VAT1: variants seen among roughly 807,000 people sequenced by gnomAD.
VAT1 encodes the protein vesicle amine transport 1.
Under a neutral mutation model 33.3 loss-of-function variants are expected in VAT1, and 24 were observed. That is an observed-to-expected ratio of 0.72 (90% CI 0.52 to 1.01). VAT1 has a LOEUF of 1.01. VAT1 is among the 50% of genes least tolerant of loss of function. VAT1 has a pLI of 0.00. For synonymous variants in VAT1, 212 were observed against 225.0 expected, an observed-to-expected ratio of 0.94 and a Z score of 0.52; for missense variants, 436 against 533.7, an observed-to-expected ratio of 0.82 and a Z score of 1.80.
At chr17:43,018,927 TAA>T in intron 1 of VAT1, 128 bp from the exon 2 acceptor site, 1 of 308 alleles carries the variant, frequency 3.2e-3, no homozygotes, top group Non-Finnish European at 0.05. Context: ...ATAGTCATGG[TAA>T]TAATAATAAT....
chr17:43,021,815 G>T, intron 1 of VAT1, 121 bp downstream of exon 1: 1 of 1,462,996 alleles, frequency 6.8e-7, no homozygotes, highest in Non-Finnish European at 9.0e-7. Flanking sequence ...CGCTTTCCAC[G>T]CTCGTGCACC....
chr17:43,022,173 G>A lies in VAT1; in HGVS notation c.150C>T (p.Cys50=), dbSNP rs758718649. Residue 50 remains cysteine, a synonymous_variant, in exon 1 of 6, where the codon TGC becomes TGT. Transcript: ENST00000355653. The part of the protein sequence containing the change: ...AAAASPPLLR[C]LVLTGFGGYD... ...AGCCTCCAAAGCCGGTGAGCACTAG[G>A]CAGCGCAGCAGTGGCGGCGAGGCGG... 2.6e-4 allele frequency: 404 copies of A among 1,558,526 alleles called. No individual in the cohort carries two copies. In the Middle Eastern group the frequency reaches 5.1e-3, roughly 20 times the overall value.
intron 1 of VAT1, among the ~76,000 whole-genome samples, chr17:43,021,442 G>C (rs935898643): frequency 6.6e-6 from 1 of 152,200 alleles, no homozygotes; most frequent in East Asian, 1.9e-4. Flanking sequence ...CCACGGGGCT[G>C]CATGTGACCA....
chr17:43,018,453 T>C, intron 2 of VAT1, 139 bp downstream of exon 2: 4 of 1,059,190 alleles, frequency 3.8e-6, no homozygotes, highest in Non-Finnish European at 4.1e-6. Context: ...CCACGGCAAC[T>C]ACACAGCAGA....
At chr17:43,018,526 G>A in intron 2 of VAT1, 66 bp downstream of exon 2, 1 of 1,557,576 alleles carries the variant, frequency 6.4e-7, no homozygotes, top group South Asian at 1.1e-5. Flanking sequence ...CAGACAGGCT[G>A]CAGGGAAGGG....
Position 43,020,145 on chromosome 17 carries a change from T to C in VAT1, c.388-1346A>G, listed in dbSNP as rs568351710. On this transcript the variant is annotated intron_variant, in intron 1 of 5. Coordinates refer to ENST00000355653, the MANE Select transcript of VAT1 (RefSeq NM_006373.4). Reference sequence around the variant, plus strand: ...GACCCAGAACAAGTCTCACTTACCCTGGCTCATGCTAACCCTCAGGCCATC... The same window carrying C: ...GACCCAGAACAAGTCTCACTTACCCCGGCTCATGCTAACCCTCAGGCCATC... 19 of 985,408 alleles carry C rather than the reference T, an allele frequency of 1.9e-5. No individual in the cohort carries two copies. In the South Asian group the frequency reaches 8.5e-4, roughly 44 times the overall value. 61.0% of individuals were successfully genotyped at this position (985,408 alleles called of 1,614,324 possible). A position where few individuals can be genotyped will look rare whatever the true frequency, so the allele number is the denominator to read the frequency against.
At chr17:43,021,623 G>GGGGGC (rs2050569392) in intron 1 of VAT1, among the ~76,000 whole-genome samples, 1 of 106,432 alleles carries the variant, frequency 9.4e-6, no homozygotes, top group Non-Finnish European at 2.0e-5. Flanking sequence ...GGGGGGGGGG[G>GGGGGC]GTGGGGACGG....
At chr17:43,017,023 G>A in intron 4 of VAT1, among the ~76,000 whole-genome samples, 1 of 141,674 alleles carries the variant, frequency 7.1e-6, no homozygotes, top group Non-Finnish European at 1.5e-5. Flanking sequence ...AATTAGCTGG[G>A]CATGGTGGTA....
Position 43,016,436 on chromosome 17 carries a change from C to A in VAT1, c.969G>T (p.Val323=). 6.2e-7 allele frequency: 1 copy of A among 1,614,220 alleles called. No individual in the cohort carries two copies. The highest frequency in any genetic ancestry group is 8.5e-7 in the Non-Finnish European group (1 of 1,180,050). Residue 323 remains valine (V), a synonymous_variant, in exon 5 of 6, where the codon GTG becomes GTT. Transcript: ENST00000355653. ...CCAGGTAGCCCAGGTGGAAGCCACACACAGCCCGGTTGGCCTGCAGCAGCT... is the reference window on the plus strand; with the variant it reads ...CCAGGTAGCCCAGGTGGAAGCCACAAACAGCCCGGTTGGCCTGCAGCAGCT... The part of the protein sequence containing the change: ...ALQLLQANRA[V]CGFHLGYLDG...
In VAT1 at chr17:43,016,148, G is replaced by A. The variant is rs765473527; in HGVS notation, c.1099-4C>T. 1 of 1,614,008 alleles carries A rather than the reference G, an allele frequency of 6.2e-7. No individual in the cohort carries two copies. Among genetic ancestry groups the A allele is most frequent in the Non-Finnish European group, 8.5e-7 (1 of 1,180,030 alleles). ...TCTGTTTCATGGCATCAGCCACCTGGGGAGGAAGGAAAGATGCGGCTCCCA... is the reference window on the plus strand; with the variant it reads ...TCTGTTTCATGGCATCAGCCACCTGAGGAGGAAGGAAAGATGCGGCTCCCA... On this transcript the variant is annotated splice_region_variant and splice_polypyrimidine_tract_variant and intron_variant, in intron 5 of 5. Coordinates refer to ENST00000355653, the MANE Select transcript of VAT1 (RefSeq NM_006373.4).
At position 43,022,253 on chromosome 17, in the gene VAT1, C is replaced by G. The variant is rs756998922; in HGVS notation, c.70G>C (p.Glu24Gln). ...EDASSPPPKT[E>Q]AASDPQHPAA... Reference sequence around the variant, plus strand: ...GGATGCTGGGGGTCGCTCGCTGCCTCGGTTTTCGGAGGCGGCGAAGAGGCG... The same window carrying G: ...GGATGCTGGGGGTCGCTCGCTGCCTGGGTTTTCGGAGGCGGCGAAGAGGCG... The change falls in exon 1 of 6, where the codon GAG becomes CAG. Residue 24 changes from glutamate to glutamine, a missense_variant. Glu to Gln is a conservative substitution (Grantham distance 29, BLOSUM62 2). Transcript: ENST00000355653. 46 of 1,584,608 alleles carry G rather than the reference C, an allele frequency of 2.9e-5. No individual in the cohort carries two copies. Among genetic ancestry groups the G allele is most frequent in the Non-Finnish European group, 3.8e-5 (44 of 1,166,622 alleles).
intron 1 of VAT1, among the ~76,000 whole-genome samples, chr17:43,021,606 T>TGGGGGGGGGGGGGGGGGGGGGGGGGGGG (rs35999638): frequency 2.0e-5 from 1 of 49,410 alleles, no homozygotes; most frequent in Non-Finnish European, 4.2e-5. Flanking sequence ...GTGGTTTTAA[T>TGGGGGGGGGGGGGGGGGGGGGGGGGGGG]GGGGGGGGGG....
In VAT1 at chr17:43,016,257, A is replaced by C. The variant is rs2050519260; in HGVS notation, c.1098+50T>G. On this transcript the variant is annotated intron_variant, in intron 5 of 5. Coordinates refer to ENST00000355653, the MANE Select transcript of VAT1 (RefSeq NM_006373.4). Reference sequence around the variant, plus strand: ...CCAGGAATCTGCCCCTTGGGACCCCAGCCTTCATGAGTCCTACCCAAGCCC... The same window carrying C: ...CCAGGAATCTGCCCCTTGGGACCCCCGCCTTCATGAGTCCTACCCAAGCCC... The C allele has an allele frequency of 3.7e-6, 6 of 1,606,826 alleles. No individual in the cohort carries two copies. The South Asian group carries it at 6.6e-5, about 18-fold the overall frequency.
rs2050572813 is a variant in VAT1 at position 43,021,932 on chromosome 17, T to C, written c.387+4A>G. ...CCCTGCCCTGCCCTACGCAACCCGC[T>C]CACCTTGCGGTCGCTGACTCCCTCG... On this transcript the variant is annotated splice_donor_region_variant and intron_variant, in intron 1 of 5. Coordinates refer to ENST00000355653, the MANE Select transcript of VAT1 (RefSeq NM_006373.4). 3 of 1,610,264 alleles carry C rather than the reference T, an allele frequency of 1.9e-6. No individual in the cohort carries two copies. The highest frequency in any genetic ancestry group is 2.5e-6 in the Non-Finnish European group (3 of 1,179,604).
chr17:43,018,135 C>T lies in VAT1; in HGVS notation c.667G>A (p.Ala223Thr), dbSNP rs767647338. The T allele has an allele frequency of 6.2e-7, 1 of 1,614,056 alleles. No individual in the cohort carries two copies. Among genetic ancestry groups the T allele is most frequent in the African/African-American group, 1.3e-5 (1 of 74,924 alleles). ...TCCTTCAGTGCCTCGTGCTTGCTGG[C>T]CGAGGCCGTTCCGAACACTGTCACA... is the stretch of plus-strand genomic sequence containing the variant. ...ENVTVFGTAS[A>T]SKHEALKENG... Residue 223 changes from alanine (A) to threonine (T), a missense_variant, in exon 3 of 6, where the codon GCC (alanine) becomes ACC (threonine). Ala to Thr is a moderately conservative substitution (Grantham distance 58). Coordinates refer to ENST00000355653, the MANE Select transcript of VAT1 (RefSeq NM_006373.4).
rs141935113 is a variant in VAT1, at chr17:43,015,678, T to G, written c.*383A>C. ...TATCCTGAGCTGACGTTTCAATTCT[T>G]TGGGGAGGTGGCGGGGCAGGGACGG... On this transcript the variant is annotated 3_prime_UTR_variant, in exon 6 of 6. Coordinates refer to ENST00000355653, the MANE Select transcript of VAT1 (RefSeq NM_006373.4). 7.2e-5 allele frequency: 19 copies of G among 265,354 alleles called. No homozygotes were observed. The highest frequency in any genetic ancestry group is 4.2e-4 in the African/African-American group (19 of 45,004). The allele number at this position is 265,354 out of a possible 1,614,324, so 16.4% of individuals were successfully genotyped here. A position where few individuals can be genotyped will look rare whatever the true frequency, so the allele number is the denominator to read the frequency against.
At chr17:43,018,277 C>G (rs899736311) in intron 2 of VAT1, 71 bp from the exon 3 acceptor site, 47 of 1,520,982 alleles carry the variant, frequency 3.1e-5, no homozygotes, top group Non-Finnish European at 4.0e-5. Context: ...TCTAGCCTCC[C>G]AGGGACTCAG....
chr17:43,017,637 G>C (rs1187403304), intron 4 of VAT1, among the ~76,000 whole-genome samples: 2 of 146,714 alleles, frequency 1.4e-5, no homozygotes, highest in African/African-American at 5.0e-5. Context: ...CATATGAAAA[G>C]TTGTGACAGA....
Position 43,018,614 on chromosome 17 carries a change from G to A in VAT1, c.573C>T (p.Ser191=), listed in dbSNP as rs772661721. The change falls in exon 2 of 6, where the codon AGC becomes AGT. Residue 191 remains serine, a synonymous_variant. Transcript: ENST00000355653. Reference sequence around the variant, plus strand: ...CACCTGCAGCCATGTGTACCAAGACGCTGTGGCCAGGCTGTAGGTTGCCGA... The same window carrying A: ...CACCTGCAGCCATGTGTACCAAGACACTGTGGCCAGGCTGTAGGTTGCCGA... ...FDFGNLQPGH[S]VLVHMAAGGV... 9.3e-6 allele frequency: 15 copies of A among 1,613,770 alleles called. No homozygotes were observed. Among genetic ancestry groups the A allele is most frequent in the African/African-American group, 2.7e-5 (2 of 74,914 alleles).
Sources: allele counts gnomAD v4.1 joint callset (sites outside exome capture counted in the v4.1 genomes callset), GRCh38; gene constraint gnomAD v4.1.1; transcripts MANE v1.5; gene names NCBI Gene and HGNC (gene_info 2026-07-23, HGNC 2026-07-21).